Variants in ZFP64 observed in about 807,000 individuals in gnomAD.
The protein encoded by ZFP64 is ZFP64 zinc finger protein.
A neutral mutation model predicts 51.6 loss-of-function variants in ZFP64; 14 were observed. The observed-to-expected ratio is 0.27, with a 90% CI of 0.18 to 0.42. The LOEUF is 0.42. Among genes scored for constraint, ZFP64 ranks in the 10% least tolerant of loss-of-function variants. The pLI, the probability that ZFP64 is intolerant of heterozygous loss-of-function variation, is 1.00. For missense variants in ZFP64, 754 were observed against 906.8 expected (o/e 0.83, Z 2.16); for synonymous variants, 375 against 361.4 (o/e 1.04, Z -0.43).
chr20:52,187,700 G>A lies in ZFP64; in HGVS notation c.47-629C>T, dbSNP rs190386496. 8.4e-4 allele frequency among the ~76,000 whole-genome samples: 127 copies of A among 151,904 alleles called. 1 individual carries two copies. In the East Asian group the frequency reaches 0.02, roughly 24 times the overall value. ...ACCACATATGCACAAAGGTAGTCTT[G>A]TATTATTTAACTTGGGGAAAATTGG... On this transcript the variant is annotated intron_variant, in intron 1 of 5. Coordinates refer to ENST00000216923, the MANE Select transcript of ZFP64 (RefSeq NM_018197.3).
At chr20:52,167,139 A>G (rs1411877477) in intron 2 of ZFP64, among the ~76,000 whole-genome samples, 1 of 152,076 alleles carries the variant, frequency 6.6e-6, no homozygotes, top group Non-Finnish European at 1.5e-5. Flanking sequence ...AGCCTGGTCA[A>G]CATGGTGAAA....
intron 5 of ZFP64, among the ~76,000 whole-genome samples, chr20:52,109,139 C>CT (rs1447464498): frequency 9.9e-5 from 15 of 151,652 alleles, no homozygotes; most frequent in East Asian, 7.9e-4. Flanking sequence ...CAGGGAAGCT[C>CT]TTTTTTTTAG....
chr20:52,111,986 G>A (rs1188757746), intron 5 of ZFP64, among the ~76,000 whole-genome samples: 1 of 151,092 alleles, frequency 6.6e-6, no homozygotes, highest in African/African-American at 2.4e-5. Context: ...GGAGGCTGAG[G>A]CACGAGAATC....
intron 4 of ZFP64, among the ~76,000 whole-genome samples, chr20:52,161,753 ATG>A (rs1246674107): frequency 1.3e-5 from 2 of 152,202 alleles, no homozygotes; most frequent in Non-Finnish European, 2.9e-5. Context: ...GAAAAATTAA[ATG>A]TGTGTGTTTT....
chr20:52,088,548 G>A, exon 8 of ZFP64: 4 of 1,614,198 alleles, frequency 2.5e-6, no homozygotes, highest in Non-Finnish European at 3.4e-6. Context: ...TGACACTTGT[G>A]TGGCTTCACA....
At position 52,159,986 on chromosome 20, in the gene ZFP64, A is replaced by C. The variant is rs955389460; in HGVS notation, c.763+137T>G. 1.4e-5 allele frequency: 20 copies of C among 1,481,004 alleles called. No homozygotes were observed. The African/African-American group carries it at 1.8e-4, about 14-fold the overall frequency. 91.7% of individuals were successfully genotyped at this position (1,481,004 alleles called of 1,614,324 possible). A position where few individuals can be genotyped will look rare whatever the true frequency, so the allele number is the denominator to read the frequency against. ...CGAGACAAAACAACAACAACAAAAAAAAACAAAACTGCAAACAACGGGATG... is the reference window on the plus strand; with the variant it reads ...CGAGACAAAACAACAACAACAAAAACAAACAAAACTGCAAACAACGGGATG... On this transcript the variant is annotated intron_variant, in intron 5 of 5. Transcript: ENST00000216923.
intron 5 of ZFP64, among the ~76,000 whole-genome samples, chr20:52,112,093 A>AC (rs1242819221): frequency 2.2e-5 from 3 of 138,018 alleles, no homozygotes; most frequent in Non-Finnish European, 3.2e-5. Flanking sequence ...AAAAAAAAAA[A>AC]AAAAAAACAA....
chr20:52,139,824 A>G (rs1266873106), intron 5 of ZFP64, among the ~76,000 whole-genome samples: 1 of 146,510 alleles, frequency 6.8e-6, no homozygotes, highest in African/African-American at 2.5e-5. Context: ...CCTTAGTTTT[A>G]TTGTGCTTTG....
At chr20:52,107,562 T>C (rs926073545) in intron 5 of ZFP64, among the ~76,000 whole-genome samples, 4 of 152,216 alleles carry the variant, frequency 2.6e-5, no homozygotes, top group African/African-American at 9.6e-5. Flanking sequence ...TAGCAAGTTT[T>C]ATTGTACCTA....
Position 52,084,281 on chromosome 20 carries a change from G to A in ZFP64, c.*276C>T, listed in dbSNP as rs560305907. 4 of 470,860 alleles carry A rather than the reference G, an allele frequency of 8.5e-6. No homozygotes were observed. The South Asian group carries it at 1.0e-4, about 12-fold the overall frequency. 29.2% of individuals were successfully genotyped at this position (470,860 alleles called of 1,614,324 possible). On this transcript the variant is annotated 3_prime_UTR_variant, in exon 9 of 9. Coordinates refer to the ZFP64 transcript ENST00000361387. ...ACGTAGAAGCTATCCCCATTGGATA[G>A]AGCAGGGCTTGGCAGACCCCGCCTT...
chr20:52,123,278 A>G (rs552886267), intron 5 of ZFP64, among the ~76,000 whole-genome samples: 3 of 152,312 alleles, frequency 2.0e-5, no homozygotes, highest in African/African-American at 4.8e-5. Flanking sequence ...AAACTGCTGG[A>G]TTACAGGCAT....
chr20:52,100,252 G>GT (rs1555879408), intron 5 of ZFP64, among the ~76,000 whole-genome samples: 112 of 150,058 alleles, frequency 7.5e-4, no homozygotes, highest in East Asian at 1.2e-3. Flanking sequence ...GCCTCCCAAA[G>GT]TTTTTTTTTT....
chr20:52,100,560 A>C (rs2079040005), intron 5 of ZFP64, among the ~76,000 whole-genome samples: 1 of 152,136 alleles, frequency 6.6e-6, no homozygotes, highest in Non-Finnish European at 1.5e-5. Context: ...AAAGTCTTAG[A>C]AGATTGACTA....
At chr20:52,186,747 A>C (rs1983993925) in intron 2 of ZFP64, 85 bp downstream of exon 2, 1 of 1,507,476 alleles carries the variant, frequency 6.6e-7, no homozygotes, top group South Asian at 1.3e-5. Flanking sequence ...GGGCTCTGGG[A>C]ATCTATATTT....
chr20:52,174,509 A>ATT (rs960807204), intron 2 of ZFP64, among the ~76,000 whole-genome samples: 6 of 150,526 alleles, frequency 4.0e-5, no homozygotes, highest in Admixed American at 4.0e-4. Context: ...AAAAAAGTAT[A>ATT]TTTTAAAAGT....
chr20:52,142,883 A>T (rs1414713557), intron 5 of ZFP64, among the ~76,000 whole-genome samples: 1 of 135,394 alleles, frequency 7.4e-6, no homozygotes, highest in Non-Finnish European at 1.6e-5. Flanking sequence ...GAGTCCATTG[A>T]TGTGGCAAAC....
Position 52,105,399 on chromosome 20 carries a change from T to C in ZFP64, c.764-6812A>G, listed in dbSNP as rs1020653641. 2.3e-5 allele frequency: 28 copies of C among 1,230,224 alleles called. No homozygotes were observed. The African/African-American group carries it at 3.6e-4, about 16-fold the overall frequency. The allele number at this position is 1,230,224 out of a possible 1,614,324, so 76.2% of individuals were successfully genotyped here. On this transcript the variant is annotated intron_variant, in intron 5 of 8. Transcript: ENST00000361387. ...ATTTATCAAGAGTCCTGACGGCTGATTGGCCTGGAGCCAAGACCCCAGGAG... is the reference window on the plus strand; with the variant it reads ...ATTTATCAAGAGTCCTGACGGCTGACTGGCCTGGAGCCAAGACCCCAGGAG...
intron 5 of ZFP64, among the ~76,000 whole-genome samples, chr20:52,136,096 CAAAAAAAAAAAA>C (rs71192597): frequency 1.3e-4 from 5 of 38,032 alleles, no homozygotes; most frequent in Non-Finnish European, 1.8e-4. Context: ...GAGACTCTCT[CAAAAAAAAAAAA>C]AAAAAAAAAA....
At chr20:52,120,932 C>G (rs1294639285) in intron 5 of ZFP64, among the ~76,000 whole-genome samples, 1 of 152,106 alleles carries the variant, frequency 6.6e-6, no homozygotes, top group East Asian at 1.9e-4. Context: ...CCGCCTTGGC[C>G]TCCTAAAGTG....
Sources: allele counts gnomAD v4.1 joint callset (sites outside exome capture counted in the v4.1 genomes callset), GRCh38; gene constraint gnomAD v4.1.1; transcripts MANE v1.5; gene names NCBI Gene and HGNC (gene_info 2026-07-23, HGNC 2026-07-21).